UGGT2: variants seen among roughly 807,000 people sequenced by gnomAD.
UGGT2 encodes UDP-glucose glycoprotein glucosyltransferase 2.
UGGT2 carries 180 observed loss-of-function variants against 192.1 expected under a neutral mutation model. The ratio of observed to expected loss-of-function variants is 0.94; its 90% confidence interval spans 0.83 to 1.06. UGGT2 has a LOEUF of 1.06. Among genes scored for constraint, UGGT2 ranks in the 50% least tolerant of loss-of-function variants. The pLI, the probability that UGGT2 is intolerant of heterozygous loss-of-function variation, is 0.00. For missense variants in UGGT2, 1,849 were observed against 1,795.7 expected, an observed-to-expected ratio of 1.03 and a Z score of -0.54; for synonymous variants, 580 against 591.0, an observed-to-expected ratio of 0.98 and a Z score of 0.27.
At chr13:96,007,266 C>A (rs982485122) in intron 5 of UGGT2, among the ~76,000 whole-genome samples, 2 of 151,954 alleles carry the variant, frequency 1.3e-5, no homozygotes, top group Non-Finnish European at 2.9e-5. Flanking sequence ...CAAGTCCCTC[C>A]CCCCCAACAA....
intron 38 of UGGT2, chr13:95,809,661 C>CGCA (rs968176199): frequency 5.1e-6 from 1 of 196,108 alleles, no homozygotes; most frequent in African/African-American, 2.4e-5. Context: ...GCAGCCTTTC[C>CGCA]GCAGCCTCAG....
At chr13:95,805,583 G>A (rs1884263311) in intron 38 of UGGT2, among the ~76,000 whole-genome samples, 1 of 152,004 alleles carries the variant, frequency 6.6e-6, no homozygotes, top group Admixed American at 6.6e-5. Flanking sequence ...TATACAATGG[G>A]ATTTTATCCA....
At chr13:95,867,718 C>A (rs1890804165) in intron 29 of UGGT2, among the ~76,000 whole-genome samples, 1 of 152,088 alleles carries the variant, frequency 6.6e-6, no homozygotes, top group African/African-American at 2.4e-5. Flanking sequence ...CTGTTATATA[C>A]CAAGGCTATC....
At chr13:95,900,063 T>G (rs1247957321) in intron 22 of UGGT2, among the ~76,000 whole-genome samples, 1 of 152,096 alleles carries the variant, frequency 6.6e-6, no homozygotes, top group Non-Finnish European at 1.5e-5. Context: ...CTTAAACAAT[T>G]TGTATGAAAT....
At chr13:95,847,072 T>A (rs1034945629) in intron 36 of UGGT2, among the ~76,000 whole-genome samples, 2 of 149,470 alleles carry the variant, frequency 1.3e-5, no homozygotes, top group Admixed American at 1.3e-4. Flanking sequence ...TTTTTTTTTT[T>A]TATTTTACTG....
Position 95,877,932 on chromosome 13 carries a change from A to G in UGGT2, c.3229-76T>C, listed in dbSNP as rs1464648611. 16 of 1,402,212 alleles carry G rather than the reference A, an allele frequency of 1.1e-5. No individual in the cohort carries two copies. The East Asian group carries it at 3.8e-4, about 33-fold the overall frequency. 86.9% of individuals were successfully genotyped at this position (1,402,212 alleles called of 1,614,324 possible). A position where few individuals can be genotyped will look rare whatever the true frequency, so the allele number is the denominator to read the frequency against. ...CAAAATTTTGAAATAAATAAATGTG[A>G]TTATTTTAATATTGGCCAATGTATT... On this transcript the variant is annotated intron_variant, in intron 27 of 38. Transcript: ENST00000376747.
At chr13:95,853,477 A>G in intron 36 of UGGT2, 66 bp downstream of exon 36, 3 of 1,293,574 alleles carry the variant, frequency 2.3e-6, no homozygotes, top group Non-Finnish European at 3.2e-6. Flanking sequence ...TTTAAAGTTT[A>G]TGAGCACGGA....
At chr13:95,908,202 A>G (rs974792200) in intron 20 of UGGT2, among the ~76,000 whole-genome samples, 2 of 152,202 alleles carry the variant, frequency 1.3e-5, no homozygotes, top group African/African-American at 4.8e-5. Context: ...TTAGAGAAAA[A>G]AGACTAAAAA....
At chr13:95,995,443 G>C (rs1307782722) in intron 7 of UGGT2, 1 of 151,950 alleles carries the variant, frequency 6.6e-6, no homozygotes, top group Non-Finnish European at 1.5e-5. Flanking sequence ...TTAAAGTTCT[G>C]GGAAGTGAAC....
At chr13:96,050,564 T>C (rs1018231889) in intron 1 of UGGT2, among the ~76,000 whole-genome samples, 1 of 151,914 alleles carries the variant, frequency 6.6e-6, no homozygotes, top group East Asian at 1.9e-4. Context: ...TGGGAGAAAA[T>C]TTTTGCAATC....
At chr13:95,964,470 G>C (rs947369671) in intron 12 of UGGT2, among the ~76,000 whole-genome samples, 10 of 152,000 alleles carry the variant, frequency 6.6e-5, no homozygotes, top group African/African-American at 2.2e-4. Flanking sequence ...AGACAAATGG[G>C]AAAAACCTTC....
Position 95,970,141 on chromosome 13 carries a change from C to T in UGGT2, c.1306G>A (p.Val436Ile). Residue 436 changes from valine to isoleucine, a missense_variant, in exon 12 of 39, where the codon GTA becomes ATA. Physicochemically the swap from Val to Ile is conservative, Grantham distance 29. Transcript: ENST00000376747. ...LNSHIWEYTY[V>I]LDIRHSSIMW... ...ATAGAAGAATGTCGAATATCTAATA[C>T]ATAAGTATATTCCCAAATGTGTGAA... The T allele has an allele frequency of 1.2e-6, 2 of 1,609,194 alleles. No homozygotes were observed. The highest frequency in any genetic ancestry group is 2.2e-5 in the East Asian group (1 of 44,750).
At chr13:96,016,652 G>A (rs558674720) in intron 4 of UGGT2, among the ~76,000 whole-genome samples, 2 of 152,340 alleles carry the variant, frequency 1.3e-5, no homozygotes, top group African/African-American at 4.8e-5. Flanking sequence ...AAAGCCTGGT[G>A]CCCAGGCAGG....
intron 36 of UGGT2, among the ~76,000 whole-genome samples, chr13:95,840,723 A>C (rs1278301394): frequency 6.6e-6 from 1 of 152,206 alleles, no homozygotes; most frequent in Non-Finnish European, 1.5e-5. Flanking sequence ...AGGATGATAA[A>C]TCATTCTACT....
intron 22 of UGGT2, among the ~76,000 whole-genome samples, chr13:95,896,582 A>T (rs1334819761): frequency 6.6e-6 from 1 of 152,096 alleles, no homozygotes; most frequent in African/African-American, 2.4e-5. Flanking sequence ...TAGAATAAGG[A>T]AATAAAATCT....
At chr13:95,985,594 G>C (rs1219952504) in intron 9 of UGGT2, among the ~76,000 whole-genome samples, 1 of 152,066 alleles carries the variant, frequency 6.6e-6, no homozygotes, top group African/African-American at 2.4e-5. Context: ...CACCATTGTT[G>C]CCCATGCACT....
chr13:95,817,171 A>C (rs972227144), intron 38 of UGGT2, among the ~76,000 whole-genome samples: 1 of 152,234 alleles, frequency 6.6e-6, no homozygotes, highest in South Asian at 2.1e-4. Context: ...GGTGAATCTT[A>C]TACCTCAGTA....
intron 29 of UGGT2, 47 bp from the exon 30 acceptor site, chr13:95,867,470 C>T (rs1265418590): frequency 2.8e-6 from 4 of 1,451,412 alleles, no homozygotes; most frequent in Admixed American, 1.9e-5. Flanking sequence ...AATAGACATA[C>T]AATTATGATG....
chr13:95,955,206 T>C (rs2050177612), intron 12 of UGGT2, among the ~76,000 whole-genome samples: 1 of 152,248 alleles, frequency 6.6e-6, no homozygotes, highest in Non-Finnish European at 1.5e-5. Context: ...TTTTTAATTA[T>C]GAATCTTGAA....
Sources: gnomAD v4.1 joint callset for allele counts (sites outside exome capture counted in the v4.1 genomes callset) on GRCh38, gnomAD v4.1.1 for gene constraint, MANE v1.5 for transcripts, NCBI Gene and HGNC (gene_info 2026-07-23, HGNC 2026-07-21) for gene names.